The following GLIS1 variants were observed in gnomAD, a reference collection of about 807,000 sequenced individuals.
GLIS1 encodes the protein zinc finger protein GLIS1.
Under a neutral mutation model 63.8 loss-of-function variants are expected in GLIS1, and 24 were observed. That is an observed-to-expected ratio of 0.38 (90% confidence interval 0.27 to 0.53). The LOEUF (loss-of-function observed/expected upper bound fraction) is 0.53, where lower values mean the gene tolerates loss of function less well. Ranked by LOEUF, GLIS1 falls within the 20% of genes least tolerant of loss-of-function variation. GLIS1 has a pLI of 0.85. For synonymous variants in GLIS1, 450 were observed against 482.5 expected, an observed-to-expected ratio of 0.93 and a Z score of 0.88; for missense variants, 1,036 against 1,074.1, an observed-to-expected ratio of 0.96 and a Z score of 0.50.
chr1:53,726,319 T>A (rs186102776), intron 2 of GLIS1, among the ~76,000 whole-genome samples: 4 of 152,218 alleles, frequency 2.6e-5, no homozygotes, highest in Admixed American at 2.0e-4. Context: ...AGCTTTCTCA[T>A]CTGCAAAATA....
At chr1:53,704,584 G>A (rs921044490) in intron 2 of GLIS1, among the ~76,000 whole-genome samples, 1 of 152,200 alleles carries the variant, frequency 6.6e-6, no homozygotes, top group Non-Finnish European at 1.5e-5. Flanking sequence ...GAAGGGGTGG[G>A]GAGGGGAGTT....
At chr1:53,528,775 C>T (rs568297897) in intron 5 of GLIS1, among the ~76,000 whole-genome samples, 11 of 152,226 alleles carry the variant, frequency 7.2e-5, no homozygotes, top group Non-Finnish European at 1.3e-4. Flanking sequence ...GTGAACTGGA[C>T]GGGCTGGGGG....
chr1:53,536,972 C>T (rs1005275629), intron 4 of GLIS1, among the ~76,000 whole-genome samples: 12 of 151,028 alleles, frequency 7.9e-5, no homozygotes, highest in Non-Finnish European at 1.3e-4. Flanking sequence ...GAAAATACCC[C>T]GGGAACCGTG....
At position 53,646,900 on chromosome 1, in the gene GLIS1, AAAGG is replaced by A. The variant is rs1374889417; in HGVS notation, c.260-46626_260-46623del. Among the ~76,000 whole-genome samples the A allele has an allele frequency of 6.7e-6, 1 of 148,168 alleles. No homozygotes were observed. Among genetic ancestry groups the A allele is most frequent in the Admixed American group, 6.8e-5 (1 of 14,794 alleles). On this transcript the variant is annotated intron_variant, in intron 2 of 10. Transcript: ENST00000628545. This position sits in a 1 kb window ranked among gnomAD's most constrained non-coding sequence, Gnocchi z 4.2. ...GAAGGAGAAGGGAAGGGAAGGAAGGAAAGGAAGGAAGGGAAGGAAGGAAGGAAGG... is the reference window on the plus strand; with the variant it reads ...GAAGGAGAAGGGAAGGGAAGGAAGGAAAGGAAGGGAAGGAAGGAAGGAAGG...
chr1:53,708,435 C>A (rs1288040320), intron 2 of GLIS1, among the ~76,000 whole-genome samples: 1 of 152,110 alleles, frequency 6.6e-6, no homozygotes, highest in African/African-American at 2.4e-5. Flanking sequence ...AAGAATGCCA[C>A]CATGAAATAT....
intron 2 of GLIS1, among the ~76,000 whole-genome samples, chr1:53,643,883 T>C (rs964549345): frequency 6.6e-6 from 1 of 152,120 alleles, no homozygotes; most frequent in Non-Finnish European, 1.5e-5. Context: ...CAGAGTGTAA[T>C]CCCCACACGA....
At chr1:53,700,162 A>G (rs1054459095) in intron 2 of GLIS1, among the ~76,000 whole-genome samples, 1 of 152,180 alleles carries the variant, frequency 6.6e-6, no homozygotes, top group Non-Finnish European at 1.5e-5. Flanking sequence ...GGGAACATCT[A>G]CAGTGCGCAA....
chr1:53,623,903 C>T (rs1392941642), intron 2 of GLIS1, among the ~76,000 whole-genome samples: 1 of 152,004 alleles, frequency 6.6e-6, no homozygotes, highest in Non-Finnish European at 1.5e-5. Context: ...CAAAGAAAAC[C>T]TTAATAAATG....
chr1:53,630,497 CT>C (rs5774154), intron 2 of GLIS1, among the ~76,000 whole-genome samples: 131,594 of 145,076 alleles, frequency 0.91, 60,597 homozygotes, highest in Non-Finnish European at 0.98. Context: ...CAATTTCTTT[CT>C]TTTTTTTTTT....
chr1:53,633,041 G>C, intron 2 of GLIS1, among the ~76,000 whole-genome samples: 1 of 146,394 alleles, frequency 6.8e-6, no homozygotes, highest in Non-Finnish European at 1.5e-5. Flanking sequence ...ATGTGTATGA[G>C]TGTGACCGAG....
chr1:53,575,937 ACT>A (rs1336903473), intron 4 of GLIS1, among the ~76,000 whole-genome samples: 1 of 151,392 alleles, frequency 6.6e-6, no homozygotes, highest in Non-Finnish European at 1.5e-5. Flanking sequence ...AACCAAAACC[ACT>A]CTGCTCTTGT....
Position 53,524,906 on chromosome 1 carries a change from G to A in GLIS1, c.1483-19C>T, listed in dbSNP as rs370748665. On this transcript the variant is annotated intron_variant, in intron 5 of 10. Coordinates refer to ENST00000628545, the MANE Select transcript of GLIS1 (RefSeq NM_001367484.1). ...ACGGCTTCTGTAACATGGGGGGCAC[G>A]GGTGGGGTGAGTGAGGCCCATCCCT... is the stretch of plus-strand genomic sequence containing the variant. 15 of 1,580,902 alleles carry A rather than the reference G, an allele frequency of 9.5e-6. No individual in the cohort carries two copies. Among genetic ancestry groups the A allele is most frequent in the East Asian group, 2.2e-5 (1 of 44,766 alleles).
At chr1:53,567,738 T>C (rs1319659004) in intron 4 of GLIS1, among the ~76,000 whole-genome samples, 1 of 152,212 alleles carries the variant, frequency 6.6e-6, no homozygotes, top group Non-Finnish European at 1.5e-5. Context: ...GGGGCCAAGG[T>C]ACAAGTCAGG....
Position 53,596,303 on chromosome 1 carries a change from G to A in GLIS1, c.438-1313C>T, listed in dbSNP as rs185927583. Among the ~76,000 whole-genome samples the A allele has an allele frequency of 2.5e-3, 381 of 152,314 alleles. 1 individual carries two copies. The highest frequency in any genetic ancestry group is 9.3e-3 in the South Asian group (45 of 4,826). ...GACCAGGTAAGGTGCAGAGAGAGACGGAAGGGCCTACCTGTCACCAGAGCA... is the reference window on the plus strand; with the variant it reads ...GACCAGGTAAGGTGCAGAGAGAGACAGAAGGGCCTACCTGTCACCAGAGCA... On this transcript the variant is annotated intron_variant, in intron 3 of 10. Coordinates refer to ENST00000628545, the MANE Select transcript of GLIS1 (RefSeq NM_001367484.1).
chr1:53,726,933 A>G (rs1646811527), intron 2 of GLIS1, among the ~76,000 whole-genome samples: 1 of 152,250 alleles, frequency 6.6e-6, no homozygotes, highest in Admixed American at 6.5e-5. Context: ...CTCCACTCAC[A>G]AAGACTAACA....
At chr1:53,676,891 T>A (rs1010339758) in intron 2 of GLIS1, among the ~76,000 whole-genome samples, 1 of 152,242 alleles carries the variant, frequency 6.6e-6, no homozygotes, top group Non-Finnish European at 1.5e-5. Context: ...TGCCTCATAC[T>A]AGAATGAGAA....
intron 4 of GLIS1, among the ~76,000 whole-genome samples, chr1:53,547,307 T>G (rs1484171853): frequency 6.6e-6 from 1 of 152,240 alleles, no homozygotes; most frequent in Non-Finnish European, 1.5e-5. Flanking sequence ...CAGTGCCCTC[T>G]GATCCTTGGC....
intron 2 of GLIS1, among the ~76,000 whole-genome samples, chr1:53,635,832 A>C (rs1432512611): frequency 2.0e-5 from 3 of 152,224 alleles, no homozygotes; most frequent in East Asian, 3.8e-4. Context: ...CAAGCAAATA[A>C]TTTGTGAAAT....
chr1:53,555,422 C>T (rs866381267), intron 4 of GLIS1, among the ~76,000 whole-genome samples: 10 of 152,046 alleles, frequency 6.6e-5, no homozygotes, highest in African/African-American at 2.4e-4. Flanking sequence ...CCCAGCTACT[C>T]GGGAGGCTGA....
Sources: allele counts gnomAD v4.1 joint callset (sites outside exome capture counted in the v4.1 genomes callset), GRCh38; gene constraint gnomAD v4.1.1; non-coding constraint Gnocchi (gnomAD v3.1); transcripts MANE v1.5; gene names NCBI Gene and HGNC (gene_info 2026-07-23, HGNC 2026-07-21).